The following MXI1 variants were observed in gnomAD, a reference collection of about 807,000 sequenced individuals.
MXI1 encodes MAX interactor 1, dimerization protein.
A neutral mutation model predicts 36.9 loss-of-function variants in MXI1; 18 were observed. The ratio of observed to expected loss-of-function variants is 0.49; its 90% confidence interval spans 0.34 to 0.72. The LOEUF is 0.72. MXI1 is among the 30% of genes least tolerant of loss of function. The pLI is 0.01. For synonymous variants in MXI1, 160 were observed against 146.7 expected (o/e 1.09, Z -0.65); for missense variants, 304 against 379.1 (o/e 0.80, Z 1.64).
chr10:110,279,729 ATTTTT>A (rs1201611219), intron 4 of MXI1, among the ~76,000 whole-genome samples, 180 bp from the exon 5 acceptor site: 2 of 152,128 alleles, frequency 1.3e-5, no homozygotes, highest in African/African-American at 4.8e-5. Flanking sequence ...AGACAAAACT[ATTTTT>A]TATTTTTAAA....
At position 110,225,322 on chromosome 10, in the gene MXI1, T is replaced by C. The variant is rs11195035; in HGVS notation, c.275-2867T>C. Among the ~76,000 whole-genome samples the C allele has an allele frequency of 2.2e-3, 342 of 152,232 alleles. 13 individuals are homozygous for C. In the East Asian group the frequency reaches 0.047, roughly 21 times the overall value. ...CAAACTGTTCCGCACCAGGGAGAATTTTCTGGCGTCTAAAAGCACTAGTGA... is the reference window on the plus strand; with the variant it reads ...CAAACTGTTCCGCACCAGGGAGAATCTTCTGGCGTCTAAAAGCACTAGTGA... On this transcript the variant is annotated intron_variant, in intron 1 of 5. Coordinates refer to ENST00000332674, the MANE Select transcript of MXI1 (RefSeq NM_130439.3).
intron 2 of MXI1, among the ~76,000 whole-genome samples, chr10:110,239,394 G>A (rs1855586280): frequency 6.6e-6 from 1 of 152,150 alleles, no homozygotes; most frequent in South Asian, 2.1e-4. Context: ...CCAACAGAAG[G>A]ATTTAAAGCT....
intron 3 of MXI1, among the ~76,000 whole-genome samples, chr10:110,249,325 C>T (rs893594241): frequency 4.8e-5 from 7 of 146,758 alleles, no homozygotes; most frequent in African/African-American, 1.3e-4. Flanking sequence ...TCCTTTTTAG[C>T]GTGGTTCTGA....
intron 1 of MXI1, chr10:110,226,377 C>CGCGCATGAGGTGAGGTGT: frequency 2.6e-6 from 3 of 1,167,918 alleles, no homozygotes; most frequent in Non-Finnish European, 3.2e-6. Flanking sequence ...GTGTGAGGTG[C>CGCGCATGAGGTGAGGTGT]GCGCATGAGG....
chr10:110,237,834 G>A (rs1855526112), intron 2 of MXI1, among the ~76,000 whole-genome samples: 2 of 152,154 alleles, frequency 1.3e-5, no homozygotes, highest in Non-Finnish European at 2.9e-5. Flanking sequence ...AGAGTGCAGT[G>A]GTGAGATCAA....
At chr10:110,264,076 AGTGTGT>A (rs34472977) in intron 3 of MXI1, among the ~76,000 whole-genome samples, 1 of 150,700 alleles carries the variant, frequency 6.6e-6, no homozygotes, top group African/African-American at 2.4e-5. Flanking sequence ...ATAATTTAAA[AGTGTGT>A]GTGTGTGTGT....
At chr10:110,274,431 G>A (rs576885816) in intron 3 of MXI1, among the ~76,000 whole-genome samples, 10 of 152,042 alleles carry the variant, frequency 6.6e-5, no homozygotes, top group African/African-American at 2.4e-4. Flanking sequence ...TCTCAGCAAG[G>A]GGACTCCAGT....
chr10:110,274,454 C>T (rs988935682), intron 3 of MXI1, among the ~76,000 whole-genome samples: 5 of 152,054 alleles, frequency 3.3e-5, no homozygotes, highest in Admixed American at 2.0e-4. Context: ...TCTCACAGGG[C>T]ACTTCCTGCT....
At chr10:110,239,092 T>C (rs2134380808) in intron 2 of MXI1, among the ~76,000 whole-genome samples, 1 of 152,328 alleles carries the variant, frequency 6.6e-6, no homozygotes, top group South Asian at 2.1e-4. Context: ...TGGTTTTTAT[T>C]ATATTTCTCT....
At chr10:110,265,447 C>CT (rs758091269) in intron 3 of MXI1, among the ~76,000 whole-genome samples, 10 of 152,114 alleles carry the variant, frequency 6.6e-5, no homozygotes, top group Non-Finnish European at 1.5e-4. Context: ...GCTAATGTCT[C>CT]TTAACAGTCT....
chr10:110,225,984 G>T, intron 1 of MXI1: 1 of 980,744 alleles, frequency 1.0e-6, no homozygotes, highest in Non-Finnish European at 1.2e-6. Context: ...CCCCGTGCTC[G>T]CGGGGAGAGG....
At chr10:110,230,096 A>G (rs1486822726) in intron 2 of MXI1, among the ~76,000 whole-genome samples, 1 of 152,206 alleles carries the variant, frequency 6.6e-6, no homozygotes. Flanking sequence ...ATTGGTTACT[A>G]TATTAGTAAT....
chr10:110,276,115 G>A (rs980653113), intron 3 of MXI1, among the ~76,000 whole-genome samples: 4 of 152,130 alleles, frequency 2.6e-5, no homozygotes. Flanking sequence ...TTCCAGCTCA[G>A]TTGTTTTCCC....
rs1857424415 is a variant in MXI1, at chr10:110,286,331, A to G, written c.*1344A>G. On this transcript the variant is annotated 3_prime_UTR_variant, in exon 6 of 6. Transcript: ENST00000332674. ...AGTAATGTTATTTTCTTCTAAGTGA[A>G]ATTTCTAGCCTGCACTTTGATGTCA... The G allele has an allele frequency of 6.6e-6, 1 of 152,546 alleles. No individual in the cohort carries two copies. The highest frequency in any genetic ancestry group is 1.5e-5 in the Non-Finnish European group (1 of 68,028). The allele number at this position is 152,546 out of a possible 1,614,324, so 9.4% of individuals were successfully genotyped here. A position where few individuals can be genotyped will look rare whatever the true frequency, so the allele number is the denominator to read the frequency against.
At chr10:110,281,686 T>C (rs533828975) in intron 5 of MXI1, among the ~76,000 whole-genome samples, 46 of 152,222 alleles carry the variant, frequency 3.0e-4, no homozygotes, top group Non-Finnish European at 6.0e-4. Context: ...ATTTTTCTTA[T>C]AGAATTTCCT....
At chr10:110,254,800 A>C (rs1028601561) in intron 3 of MXI1, among the ~76,000 whole-genome samples, 21 of 152,142 alleles carry the variant, frequency 1.4e-4, no homozygotes, top group African/African-American at 5.1e-4. Flanking sequence ...AGGCTAAGAG[A>C]GGAGGAAGCT....
chr10:110,228,033 G>C (rs1184318054), intron 1 of MXI1, 156 bp from the exon 2 acceptor site: 2 of 760,956 alleles, frequency 2.6e-6, no homozygotes, highest in Non-Finnish European at 4.2e-6. Flanking sequence ...TGATGTCCAG[G>C]CGAGGGACAT....
At chr10:110,242,863 GTCTGCTCT>G (rs60936824) in intron 2 of MXI1, among the ~76,000 whole-genome samples, 13,333 of 151,916 alleles carry the variant, frequency 0.088, 1,081 homozygotes, top group East Asian at 0.29. Flanking sequence ...ATGGCAAATA[GTCTGCTCT>G]TCTCTAAATA....
In MXI1 at chr10:110,228,121, G is replaced by A. The variant is rs1467810099; in HGVS notation, c.275-68G>A. ...AAAACCTGTTACTGCAAAGACCTCGGATTTGTGGGTCAATGGATTTGGGTA... is the reference window on the plus strand; with the variant it reads ...AAAACCTGTTACTGCAAAGACCTCGAATTTGTGGGTCAATGGATTTGGGTA... On this transcript the variant is annotated intron_variant, in intron 1 of 5. Coordinates refer to ENST00000332674, the MANE Select transcript of MXI1 (RefSeq NM_130439.3). 25 of 1,569,912 alleles carry A rather than the reference G, an allele frequency of 1.6e-5. No homozygotes were observed. The Admixed American group carries it at 4.2e-4, about 26-fold the overall frequency.
Sources: gnomAD v4.1 joint callset for allele counts (sites outside exome capture counted in the v4.1 genomes callset) on GRCh38, gnomAD v4.1.1 for gene constraint, MANE v1.5 for transcripts, NCBI Gene and HGNC (gene_info 2026-07-23, HGNC 2026-07-21) for gene names.